Variants in FOXN3 observed in about 807,000 individuals in gnomAD.
The protein encoded by FOXN3 is forkhead box N3.
FOXN3 carries 7 observed loss-of-function variants against 38.4 expected under a neutral mutation model. That is an observed-to-expected ratio of 0.18 (90% CI 0.10 to 0.34). FOXN3 has a LOEUF of 0.34. FOXN3 is among the 10% of genes least tolerant of loss of function. The probability of loss-of-function intolerance (pLI) is 1.00; values close to 1 mark genes in which losing one functional copy is unlikely to be tolerated. For synonymous variants in FOXN3, 230 were observed against 242.2 expected (o/e 0.95, Z 0.47); for missense variants, 456 against 613.4 (o/e 0.74, Z 2.71).
intron 3 of FOXN3, among the ~76,000 whole-genome samples, chr14:89,331,952 T>TCAA (rs1296354518): frequency 6.6e-6 from 1 of 152,222 alleles, no homozygotes; most frequent in African/African-American, 2.4e-5. Context: ...GTGATTTTTT[T>TCAA]AATGTCTGTT....
At chr14:89,492,806 G>C (rs552520803) in intron 1 of FOXN3, among the ~76,000 whole-genome samples, 1 of 152,274 alleles carries the variant, frequency 6.6e-6, no homozygotes, top group East Asian at 1.9e-4. Context: ...GGGCATATAT[G>C]GAAAGCTTCA....
rs10646875 is a variant in FOXN3, at chr14:89,311,105, T to TA, written c.681-30092dup. Among the ~76,000 whole-genome samples the TA allele has an allele frequency of 6.3e-3, 699 of 110,354 alleles. 4 individuals carry two copies. The highest frequency in any genetic ancestry group is 8.9e-3 in the African/African-American group (260 of 29,154). 72.4% of individuals were successfully genotyped at this position (110,354 alleles called of 152,430 possible). A position where few individuals can be genotyped will look rare whatever the true frequency, so the allele number is the denominator to read the frequency against. ...TGGGCAACAATCGCGAAACTCCGTCTAAAAAAAAAAAAAAAACCTGACATC... is the reference window on the plus strand; with the variant it reads ...TGGGCAACAATCGCGAAACTCCGTCTAAAAAAAAAAAAAAAAACCTGACATC... On this transcript the variant is annotated intron_variant, in intron 3 of 5. Coordinates refer to ENST00000557258, the MANE Select transcript of FOXN3 (RefSeq NM_005197.4).
intron 1 of FOXN3, among the ~76,000 whole-genome samples, chr14:89,517,951 G>T (rs1270442077): frequency 6.6e-6 from 1 of 152,136 alleles, no homozygotes; most frequent in Admixed American, 6.5e-5. Flanking sequence ...ACTCAAATTT[G>T]TACACATCCA....
chr14:89,547,477 T>A (rs1474335019), intron 1 of FOXN3, among the ~76,000 whole-genome samples: 2 of 151,930 alleles, frequency 1.3e-5, no homozygotes, highest in Non-Finnish European at 2.9e-5. Flanking sequence ...TTTGTATTTT[T>A]AGTAGAGATG....
intron 3 of FOXN3, among the ~76,000 whole-genome samples, chr14:89,325,779 C>T (rs1888065945): frequency 6.6e-6 from 1 of 152,144 alleles, no homozygotes. Context: ...TATAGAACTG[C>T]ACAAGATGTG....
intron 3 of FOXN3, among the ~76,000 whole-genome samples, chr14:89,334,307 C>CATAA (rs1888370752): frequency 2.6e-5 from 4 of 151,078 alleles, no homozygotes; most frequent in African/African-American, 9.8e-5. Flanking sequence ...TAAAAACTTG[C>CATAA]AGTTATAAAA....
At chr14:89,433,586 C>T (rs188008785) in intron 1 of FOXN3, among the ~76,000 whole-genome samples, 2 of 151,726 alleles carry the variant, frequency 1.3e-5, no homozygotes, top group African/African-American at 4.8e-5. Context: ...AGGCAGATCA[C>T]GAGGTCAGGA....
intron 1 of FOXN3, among the ~76,000 whole-genome samples, chr14:89,426,546 A>T (rs372608939): frequency 6.6e-6 from 1 of 152,186 alleles, no homozygotes; most frequent in African/African-American, 2.4e-5. Context: ...TTGAGATTAC[A>T]GGTAAATTTT....
chr14:89,551,519 C>T (rs1895005622), intron 1 of FOXN3, among the ~76,000 whole-genome samples: 1 of 152,196 alleles, frequency 6.6e-6, no homozygotes, highest in South Asian at 2.1e-4. Flanking sequence ...ACTCAGCTCC[C>T]TCCAAGGTAC....
chr14:89,379,823 G>A (rs182148245), intron 2 of FOXN3, among the ~76,000 whole-genome samples: 4 of 152,096 alleles, frequency 2.6e-5, no homozygotes, highest in African/African-American at 9.6e-5. Flanking sequence ...ACCATGTCTA[G>A]CTAATTTTTT....
At chr14:89,244,667 C>A (rs1281927540) in intron 4 of FOXN3, among the ~76,000 whole-genome samples, 1 of 152,136 alleles carries the variant, frequency 6.6e-6, no homozygotes, top group Admixed American at 6.5e-5. Context: ...AATGAAGATT[C>A]CCCATACTTA....
Position 89,162,672 on chromosome 14 carries a change from G to A in FOXN3, c.1149C>T (p.Pro383=). The A allele has an allele frequency of 6.2e-7, 1 of 1,613,984 alleles. No individual in the cohort carries two copies. Among genetic ancestry groups the A allele is most frequent in the Non-Finnish European group, 8.5e-7 (1 of 1,179,958 alleles). The stretch of plus-strand genomic sequence containing the variant: ...ACCCGCTGTCCCCCAGAGAATCCTT[G>A]GGCTCCTTCTGGCTGTGCTTCCTGT... ...EDDRKHSQKE[P]KDSLGDSGYA... is the part of the protein sequence containing the mutation. The change falls in exon 6 of 6, where the codon CCC becomes CCT. Residue 383 remains proline (P), a synonymous_variant. Coordinates refer to ENST00000557258, the MANE Select transcript of FOXN3 (RefSeq NM_005197.4). The surrounding 1 kb of genome is among the most constrained non-coding windows in gnomAD (Gnocchi z 7.2).
chr14:89,161,466 T>G lies in FOXN3; in HGVS notation c.*948A>C, dbSNP rs557880068. On this transcript the variant is annotated 3_prime_UTR_variant, in exon 6 of 6. Coordinates refer to ENST00000557258, the MANE Select transcript of FOXN3 (RefSeq NM_005197.4). ...ACCATTATTTCCTTTCCTTAACAGC[T>G]ATTGTAATTTCCTGGACTTGGTTGC... 6.6e-6 allele frequency: 1 copy of G among 151,830 alleles called. No homozygotes were observed. The highest frequency in any genetic ancestry group is 2.4e-5 in the African/African-American group (1 of 41,378). The allele number at this position is 151,830 out of a possible 1,614,324, so 9.4% of individuals were successfully genotyped here.
At chr14:89,541,496 C>T (rs963253013) in intron 1 of FOXN3, among the ~76,000 whole-genome samples, 2 of 152,174 alleles carry the variant, frequency 1.3e-5, no homozygotes, top group African/African-American at 4.8e-5. Flanking sequence ...ATAAATGCCA[C>T]AGCAATGTCA....
At chr14:89,251,870 A>G in intron 4 of FOXN3, among the ~76,000 whole-genome samples, 1 of 152,256 alleles carries the variant, frequency 6.6e-6, no homozygotes, top group East Asian at 1.9e-4. Context: ...ACCTCAAAGC[A>G]CAAGCAATAA....
At chr14:89,512,262 G>T (rs1244816548) in intron 1 of FOXN3, among the ~76,000 whole-genome samples, 1 of 152,188 alleles carries the variant, frequency 6.6e-6, no homozygotes, top group Non-Finnish European at 1.5e-5. Context: ...CCTGTGAATT[G>T]AACTGATAAA....
At chr14:89,476,384 G>A (rs1291898204) in intron 1 of FOXN3, among the ~76,000 whole-genome samples, 1 of 152,150 alleles carries the variant, frequency 6.6e-6, no homozygotes, top group East Asian at 1.9e-4. Context: ...AGATGCCCCT[G>A]CTCGGACCCC....
At chr14:89,352,264 C>T (rs55974792) in intron 2 of FOXN3, among the ~76,000 whole-genome samples, 7,321 of 152,280 alleles carry the variant, frequency 0.048, 630 homozygotes, top group African/African-American at 0.17. Context: ...AACATTCCTA[C>T]GTGTTTTTTC....
chr14:89,205,066 T>C (rs1888344667), intron 4 of FOXN3, among the ~76,000 whole-genome samples: 1 of 146,310 alleles, frequency 6.8e-6, no homozygotes, highest in Non-Finnish European at 1.5e-5. Context: ...AGAATGGTTA[T>C]TAAGAATGGC....
Sources: allele counts gnomAD v4.1 joint callset (sites outside exome capture counted in the v4.1 genomes callset), GRCh38; gene constraint gnomAD v4.1.1; non-coding constraint Gnocchi (gnomAD v3.1); transcripts MANE v1.5; gene names NCBI Gene and HGNC (gene_info 2026-07-23, HGNC 2026-07-21).